Variants in CDH8 observed in about 807,000 individuals in gnomAD.
CDH8 encodes cadherin 8, also known as cadherin-8.
In CDH8, 17 loss-of-function variants were observed where a neutral mutation model predicts 68.1. That is an observed-to-expected ratio of 0.25 (90% CI 0.17 to 0.37). The LOEUF is 0.37. Among genes scored for constraint, CDH8 ranks in the 10% least tolerant of loss-of-function variants. The pLI is 1.00. For missense variants in CDH8, 763 were observed against 999.3 expected, an observed-to-expected ratio of 0.76 and a Z score of 3.19; for synonymous variants, 372 against 365.1, an observed-to-expected ratio of 1.02 and a Z score of -0.21.
intron 2 of CDH8, among the ~76,000 whole-genome samples, chr16:61,908,396 T>C (rs1004144186): frequency 6.6e-6 from 1 of 152,138 alleles, no homozygotes; most frequent in African/African-American, 2.4e-5. Flanking sequence ...GTGTTTAGGC[T>C]ACTAGGACAG....
intron 2 of CDH8, among the ~76,000 whole-genome samples, chr16:62,001,311 A>G (rs935037461): frequency 6.6e-6 from 1 of 152,168 alleles, no homozygotes; most frequent in Non-Finnish European, 1.5e-5. Flanking sequence ...CATCTCCTTT[A>G]CTTAGGATTT....
At chr16:61,655,986 C>T (rs1220739292) in intron 10 of CDH8, among the ~76,000 whole-genome samples, 1 of 151,808 alleles carries the variant, frequency 6.6e-6, no homozygotes, top group Non-Finnish European at 1.5e-5. Flanking sequence ...CATTCTCCTG[C>T]CTCAGCCTCC....
chr16:61,924,673 G>C (rs1345302727), intron 2 of CDH8, among the ~76,000 whole-genome samples: 1 of 150,462 alleles, frequency 6.6e-6, no homozygotes, highest in East Asian at 1.9e-4. Flanking sequence ...ATGAATATTA[G>C]TTTCTGTTTT....
chr16:62,004,949 G>A (rs1965949439), intron 2 of CDH8, among the ~76,000 whole-genome samples: 1 of 152,204 alleles, frequency 6.6e-6, no homozygotes, highest in Non-Finnish European at 1.5e-5. Context: ...CAGAGTAGCA[G>A]AAGGAGAGGA....
At chr16:61,881,135 T>C (rs1319232947) in intron 3 of CDH8, among the ~76,000 whole-genome samples, 2 of 152,306 alleles carry the variant, frequency 1.3e-5, no homozygotes, top group Admixed American at 6.5e-5. Context: ...AAGCAGAAGA[T>C]CTACAGACCT....
intron 4 of CDH8, among the ~76,000 whole-genome samples, chr16:61,834,203 A>G (rs1040456845): frequency 1.3e-5 from 2 of 151,884 alleles, no homozygotes; most frequent in African/African-American, 4.8e-5. Context: ...AATAATTGCC[A>G]TGTCTCCAGG....
At position 61,979,679 on chromosome 16, in the gene CDH8, T is replaced by C. The variant is rs567968395; in HGVS notation, c.252+41473A>G. On this transcript the variant is annotated intron_variant, in intron 2 of 11. Transcript: ENST00000577390. ...TTTCTAAGATACCATCAGGTTTTTC[T>C]ATAATGTCAGCCACTGTTCTAATCA... Among the ~76,000 whole-genome samples the C allele has an allele frequency of 1.4e-4, 22 of 152,194 alleles. No individual in the cohort carries two copies. The Middle Eastern group carries it at 0.014, about 95-fold the overall frequency.
At chr16:61,858,022 C>T (rs1488317662) in intron 3 of CDH8, among the ~76,000 whole-genome samples, 2 of 151,896 alleles carry the variant, frequency 1.3e-5, no homozygotes, top group African/African-American at 2.4e-5. Flanking sequence ...AAAATAACTT[C>T]CACCTGCCTC....
At chr16:61,691,652 T>A (rs1037095920) in intron 10 of CDH8, 1 of 151,858 alleles carries the variant, frequency 6.6e-6, no homozygotes, top group African/African-American at 2.4e-5. Flanking sequence ...CCCCTATTTG[T>A]CACAGTACCT....
At chr16:61,721,064 A>G (rs1959213060) in intron 9 of CDH8, among the ~76,000 whole-genome samples, 1 of 150,654 alleles carries the variant, frequency 6.6e-6, no homozygotes, top group African/African-American at 2.4e-5. Context: ...AGTAAATAGG[A>G]AAGATCTGAT....
intron 2 of CDH8, among the ~76,000 whole-genome samples, chr16:61,948,544 C>T (rs1352878095): frequency 1.3e-5 from 2 of 152,064 alleles, no homozygotes; most frequent in Non-Finnish European, 2.9e-5. Flanking sequence ...ACTGTGAAGC[C>T]TATATTTGCT....
At chr16:61,663,878 G>A (rs1438763319) in intron 10 of CDH8, among the ~76,000 whole-genome samples, 1 of 152,036 alleles carries the variant, frequency 6.6e-6, no homozygotes, top group Non-Finnish European at 1.5e-5. Flanking sequence ...ATATGTGTGT[G>A]TATGTGTGTC....
At chr16:61,879,085 C>T in intron 3 of CDH8, among the ~76,000 whole-genome samples, 1 of 152,140 alleles carries the variant, frequency 6.6e-6, no homozygotes, top group East Asian at 1.9e-4. Context: ...TCTTATATTT[C>T]ATTGTCTAAA....
chr16:62,007,055 G>C (rs1965987132), intron 2 of CDH8, among the ~76,000 whole-genome samples: 1 of 152,018 alleles, frequency 6.6e-6, no homozygotes. Flanking sequence ...CTGCAGGTGA[G>C]TGCCACCATG....
intron 2 of CDH8, among the ~76,000 whole-genome samples, chr16:61,996,014 T>C (rs1269848868): frequency 1.3e-5 from 2 of 152,222 alleles, no homozygotes; most frequent in African/African-American, 2.4e-5. Context: ...GCTGAAAAGA[T>C]AGTCCGGTTA....
intron 3 of CDH8, among the ~76,000 whole-genome samples, chr16:61,882,105 C>T (rs1963590243): frequency 6.6e-6 from 1 of 152,146 alleles, no homozygotes; most frequent in Non-Finnish European, 1.5e-5. Context: ...CTTCAAACCC[C>T]AATATAGCTC....
chr16:61,729,242 G>A (rs902648967), intron 8 of CDH8, among the ~76,000 whole-genome samples: 1 of 150,456 alleles, frequency 6.6e-6, no homozygotes, highest in African/African-American at 2.5e-5. Context: ...CATTTTCATA[G>A]TATAATACTG....
At chr16:61,742,982 T>G (rs2142928255) in intron 8 of CDH8, among the ~76,000 whole-genome samples, 1 of 152,318 alleles carries the variant, frequency 6.6e-6, no homozygotes, top group Non-Finnish European at 1.5e-5. Context: ...TTTATGCCAT[T>G]TTGCAAAGCC....
intron 7 of CDH8, among the ~76,000 whole-genome samples, chr16:61,814,468 A>G (rs1043119556): frequency 1.3e-5 from 2 of 152,222 alleles, no homozygotes; most frequent in African/African-American, 4.8e-5. Context: ...GAAGTCAAAA[A>G]TACATGATAT....
Sources: gnomAD v4.1 joint callset for allele counts (sites outside exome capture counted in the v4.1 genomes callset) on GRCh38, gnomAD v4.1.1 for gene constraint, MANE v1.5 for transcripts, NCBI Gene and HGNC (gene_info 2026-07-23, HGNC 2026-07-21) for gene names.